Variants in DENND3 observed in about 807,000 individuals in gnomAD.
DENND3 encodes the protein DENN domain-containing protein 3.
In DENND3, 88 loss-of-function variants were observed where a neutral mutation model predicts 135.1. The observed-to-expected ratio is 0.65, with a 90% CI of 0.55 to 0.78. The LOEUF is 0.78. DENND3 is among the 30% of genes least tolerant of loss of function. The pLI, the probability that DENND3 is intolerant of heterozygous loss-of-function variation, is 0.00. For synonymous variants in DENND3, 693 were observed against 712.3 expected (o/e 0.97, Z 0.43); for missense variants, 1,392 against 1,688.4 (o/e 0.82, Z 3.08).
intron 1 of DENND3, among the ~76,000 whole-genome samples, chr8:141,135,502 C>G (rs368547812): frequency 3.3e-5 from 5 of 152,168 alleles, no homozygotes; most frequent in African/African-American, 1.2e-4. Context: ...CTGCCTTTGG[C>G]CACCTCCTGT....
At chr8:141,159,283 A>G (rs1169305892) in intron 8 of DENND3, among the ~76,000 whole-genome samples, 1 of 152,108 alleles carries the variant, frequency 6.6e-6, no homozygotes, top group East Asian at 1.9e-4. Context: ...AGGCAGCGGC[A>G]GGGGCCTGTG....
At chr8:141,135,537 G>A (rs1816695599) in intron 1 of DENND3, among the ~76,000 whole-genome samples, 2 of 152,136 alleles carry the variant, frequency 1.3e-5, no homozygotes, top group Non-Finnish European at 2.9e-5. Context: ...GGTACCCAGG[G>A]CCCCTTGCTT....
At position 141,194,347 on chromosome 8, in the gene DENND3, C is replaced by A; in HGVS notation, c.*114C>A. 1 of 1,276,326 alleles carries A rather than the reference C, an allele frequency of 7.8e-7. No individual in the cohort carries two copies. The highest frequency in any genetic ancestry group is 1.1e-6 in the Non-Finnish European group (1 of 924,116). The allele number at this position is 1,276,326 out of a possible 1,614,324, so 79.1% of individuals were successfully genotyped here. A position where few individuals can be genotyped will look rare whatever the true frequency, so the allele number is the denominator to read the frequency against. Reference sequence around the variant, plus strand: ...GTGGCAGGGCAGAGCAGCCCAGGCTCAGCATGGAGCCCACTTACCGTGTGG... The same window carrying A: ...GTGGCAGGGCAGAGCAGCCCAGGCTAAGCATGGAGCCCACTTACCGTGTGG... On this transcript the variant is annotated 3_prime_UTR_variant, in exon 23 of 23. Coordinates refer to ENST00000519811, the MANE Select transcript of DENND3 (RefSeq NM_001352890.3).
intron 8 of DENND3, among the ~76,000 whole-genome samples, chr8:141,160,003 C>G (rs1819927557): frequency 6.6e-6 from 1 of 152,134 alleles, no homozygotes; most frequent in Non-Finnish European, 1.5e-5. Context: ...ATGAGTGACC[C>G]GTCAAGAGGC....
rs762362062 is a variant in DENND3 at position 141,175,403 on chromosome 8, C to G, written c.2479C>G (p.Leu827Val). 3 of 1,614,190 alleles carry G rather than the reference C, an allele frequency of 1.9e-6. No homozygotes were observed. Among genetic ancestry groups the G allele is most frequent in the Admixed American group, 3.3e-5 (2 of 60,030 alleles). ...KIAMTQKRLF[L>V]LTEGRPGYLE... ...CGCCATGACCCAGAAGCGCCTGTTC[C>G]TCCTAACCGAAGGAAGGCCAGGCTA... Residue 827 changes from leucine to valine, a missense_variant, in exon 14 of 23, where the codon CTC becomes GTC. Leu to Val is a conservative substitution (Grantham distance 32, BLOSUM62 1). Coordinates refer to ENST00000519811, the MANE Select transcript of DENND3 (RefSeq NM_001352890.3). This position sits in a 1 kb window ranked among gnomAD's most constrained non-coding sequence, Gnocchi z 5.4.
rs754407958 is a variant in DENND3 at position 141,128,966 on chromosome 8, G to C, written c.102+157G>C. ...GTGACCCCGCGCGCCTGTGGCCGGG[G>C]ATCGCGCCCGAGCTCAGGCAGGTGC... On this transcript the variant is annotated intron_variant, in intron 1 of 22. Transcript: ENST00000519811. The surrounding 1 kb of genome is among the most constrained non-coding windows in gnomAD (Gnocchi z 4.5). 1.3e-5 allele frequency among the ~76,000 whole-genome samples: 2 copies of C among 152,344 alleles called. No individual in the cohort carries two copies. Among genetic ancestry groups the C allele is most frequent in the South Asian group, 4.1e-4 (2 of 4,830 alleles).
At chr8:141,187,908 T>C (rs1438022907) in intron 18 of DENND3, among the ~76,000 whole-genome samples, 2 of 152,222 alleles carry the variant, frequency 1.3e-5, no homozygotes, top group Admixed American at 6.5e-5. Flanking sequence ...ATTTCAAGGC[T>C]GGGCGCAGTG....
rs995316141 is a variant in DENND3, at chr8:141,141,550, G to A, written c.623+226G>A. On this transcript the variant is annotated intron_variant, in intron 4 of 22. Transcript: ENST00000519811. This position sits in a 1 kb window ranked among gnomAD's most constrained non-coding sequence, Gnocchi z 5.3. The stretch of plus-strand genomic sequence containing the variant: ...GTGGGCAGGGGGTGTGGCAGCGGGC[G>A]CTCCTCTCTGTGACTGGTAACATAC... 16 of 562,450 alleles carry A rather than the reference G, an allele frequency of 2.8e-5. No homozygotes were observed. The highest frequency in any genetic ancestry group is 6.2e-5 in the Admixed American group (2 of 32,184). The allele number at this position is 562,450 out of a possible 1,614,324, so 34.8% of individuals were successfully genotyped here.
chr8:141,152,031 C>T (rs1382217357), intron 7 of DENND3, among the ~76,000 whole-genome samples, 194 bp downstream of exon 7: 3 of 152,258 alleles, frequency 2.0e-5, no homozygotes, highest in Non-Finnish European at 4.4e-5. Context: ...ACCCCTTAGT[C>T]TCCTAGTGGA....
Position 141,175,378 on chromosome 8 carries a change from C to T in DENND3, c.2454C>T (p.Ile818=), listed in dbSNP as rs146645728. ...SVKTNLGVGK[I]AMTQKRLFLL... ...AGACAAACCTAGGCGTTGGCAAGATCGCCATGACCCAGAAGCGCCTGTTCC... is the reference window on the plus strand; with the variant it reads ...AGACAAACCTAGGCGTTGGCAAGATTGCCATGACCCAGAAGCGCCTGTTCC... The change falls in exon 14 of 23, where the codon ATC becomes ATT. Residue 818 remains isoleucine, a synonymous_variant. Transcript: ENST00000519811. The surrounding 1 kb of genome is among the most constrained non-coding windows in gnomAD (Gnocchi z 5.4). 5.8e-4 allele frequency: 936 copies of T among 1,614,172 alleles called. 2 individuals carry two copies. Among genetic ancestry groups the T allele is most frequent in the Middle Eastern group, 3.8e-3 (23 of 6,062 alleles).
intron 1 of DENND3, among the ~76,000 whole-genome samples, chr8:141,132,155 A>G (rs1488755574): frequency 4.6e-5 from 7 of 152,200 alleles, no homozygotes; most frequent in African/African-American, 1.4e-4. Context: ...AGCCACATGA[A>G]GTAGTTAAAA....
rs972981217 is a variant in DENND3, at chr8:141,139,045, T to C, written c.501+908T>C. On this transcript the variant is annotated intron_variant, in intron 3 of 22. Transcript: ENST00000519811. This position sits in a 1 kb window ranked among gnomAD's most constrained non-coding sequence, Gnocchi z 4.2. ...AATCAGTGGGCCTTTGGGGAACTCG[T>C]AGGGGAAACGATGTATCCAAAGGTG... is the stretch of plus-strand genomic sequence containing the variant. Among the ~76,000 whole-genome samples the C allele has an allele frequency of 3.9e-5, 6 of 152,150 alleles. No homozygotes were observed. Among genetic ancestry groups the C allele is most frequent in the Admixed American group, 3.3e-4 (5 of 15,272 alleles).
chr8:141,151,614 C>T lies in DENND3; in HGVS notation c.856-5C>T. The T allele has an allele frequency of 2.5e-6, 4 of 1,613,758 alleles. No individual in the cohort carries two copies. Among genetic ancestry groups the T allele is most frequent in the Admixed American group, 1.7e-5 (1 of 60,004 alleles). ...TGTACTCAGTGCGGCGGGTTCTCCC[C>T]TCAGATCCTGACATGCATCCTGACG... On this transcript the variant is annotated splice_region_variant and splice_polypyrimidine_tract_variant and intron_variant, in intron 6 of 22. Transcript: ENST00000519811.
rs1298801316 is a variant in DENND3 at position 141,166,965 on chromosome 8, A to G, written c.1753+576A>G. On this transcript the variant is annotated intron_variant, in intron 12 of 22. Coordinates refer to ENST00000519811, the MANE Select transcript of DENND3 (RefSeq NM_001352890.3). This position sits in a 1 kb window ranked among gnomAD's most constrained non-coding sequence, Gnocchi z 4.3. ...CTAGTGAATGGGAGAAACTGTCGGGAGGCCGGGGCCTTGACCCCCAGGGCA... is the reference window on the plus strand; with the variant it reads ...CTAGTGAATGGGAGAAACTGTCGGGGGGCCGGGGCCTTGACCCCCAGGGCA... Among the ~76,000 whole-genome samples the G allele has an allele frequency of 2.6e-5, 4 of 152,064 alleles. No homozygotes were observed. The highest frequency in any genetic ancestry group is 5.9e-5 in the Non-Finnish European group (4 of 67,998).
rs188719648 is a variant in DENND3, at chr8:141,157,078, G to A, written c.1196+1108G>A. On this transcript the variant is annotated intron_variant, in intron 8 of 22. Transcript: ENST00000519811. ...ATTACAGGCATGAACCACTGTGCCCGGCCTGGCACTTAATTTTTTCACACC... is the reference window on the plus strand; with the variant it reads ...ATTACAGGCATGAACCACTGTGCCCAGCCTGGCACTTAATTTTTTCACACC... 2.5e-3 allele frequency among the ~76,000 whole-genome samples: 373 copies of A among 152,142 alleles called. 1 individual carries two copies. Among genetic ancestry groups the A allele is most frequent in the African/African-American group, 8.7e-3 (362 of 41,514 alleles).
Position 141,185,172 on chromosome 8 carries a change from C to T in DENND3, c.2978C>T (p.Ala993Val). 1 of 1,614,078 alleles carries T rather than the reference C, an allele frequency of 6.2e-7. No homozygotes were observed. The highest frequency in any genetic ancestry group is 8.5e-7 in the Non-Finnish European group (1 of 1,179,928). Residue 993 changes from alanine (A) to valine (V), a missense_variant, in exon 18 of 23, where the codon GCT (alanine) becomes GTT (valine). Coordinates refer to ENST00000519811, the MANE Select transcript of DENND3 (RefSeq NM_001352890.3). ...GACCCAGCCGAAAAAGTTGAAGATG[C>T]TCACCCCAAGTTATGGTGTGCTCTG... is the stretch of plus-strand genomic sequence containing the variant. The part of the protein sequence containing the change: ...HLDPAEKVED[A>V]HPKLWCALSE...
chr8:141,136,452 A>G (rs895181088), intron 1 of DENND3, 57 bp from the exon 2 acceptor site: 4 of 1,467,526 alleles, frequency 2.7e-6, no homozygotes, highest in Admixed American at 2.3e-5. Flanking sequence ...GACAGAAAGG[A>G]TACCCTCGAA....
intron 13 of DENND3, among the ~76,000 whole-genome samples, chr8:141,172,961 A>G (rs1821819877): frequency 1.1e-5 from 1 of 89,894 alleles, no homozygotes; most frequent in Admixed American, 9.8e-5. Flanking sequence ...AAACTAAAAT[A>G]AATCCAGCAA....
At chr8:141,132,462 A>G (rs1351024337) in intron 1 of DENND3, among the ~76,000 whole-genome samples, 1 of 152,018 alleles carries the variant, frequency 6.6e-6, no homozygotes, top group Non-Finnish European at 1.5e-5. Context: ...GGTTCAAGCG[A>G]TTCTCCTGTC....
Sources: gnomAD v4.1 joint callset for allele counts (sites outside exome capture counted in the v4.1 genomes callset) on GRCh38, gnomAD v4.1.1 for gene constraint, Gnocchi (gnomAD v3.1) non-coding constraint, MANE v1.5 for transcripts, NCBI Gene and HGNC (gene_info 2026-07-23, HGNC 2026-07-21) for gene names.